The following ZFX variants were observed in gnomAD, a reference collection of about 807,000 sequenced individuals.
ZFX encodes the protein zinc finger protein X-linked, also known as zinc finger X-chromosomal protein.
For missense variants in ZFX, 362 were observed against 628.3 expected, an observed-to-expected ratio of 0.58 and a Z score of 4.53; for synonymous variants, 196 against 226.8, an observed-to-expected ratio of 0.86 and a Z score of 1.22.
rs753111788 is a variant in ZFX, at chrX:24,210,173, CCTTT to C, written c.1235-15_1235-12del. ...AGAACTTGGTTTGAGCACTCATACT[CCTTT>C]CTTTTCCTTTTTTAGCAATAATTAT... On this transcript the variant is annotated splice_polypyrimidine_tract_variant and intron_variant, in intron 9 of 9. Coordinates refer to ENST00000304543, the MANE Select transcript of ZFX (RefSeq NM_003410.4). The C allele has an allele frequency of 1.3e-5, 16 of 1,210,659 alleles. No homozygotes were observed. The highest frequency in any genetic ancestry group is 1.7e-5 in the Non-Finnish European group (15 of 894,816).
chrX:24,179,069 G>GT (rs1935437026), intron 4 of ZFX, 114 bp from the exon 5 acceptor site: 2 of 654,018 alleles, frequency 3.1e-6, no homozygotes, highest in South Asian at 5.7e-5. Flanking sequence ...CTATCTTAAT[G>GT]TTTAAGAAAA....
At position 24,169,264 on chromosome X, in the gene ZFX, A is replaced by G. The variant is rs776782944; in HGVS notation, c.-28-3451A>G. On this transcript the variant is annotated intron_variant, in intron 3 of 9. Coordinates refer to ENST00000304543, the MANE Select transcript of ZFX (RefSeq NM_003410.4). ...CATGTAGGCCAGAATATCTATTAGG[A>G]AATGCACGTGATGTAAAAGGATGGG... is the stretch of plus-strand genomic sequence containing the variant. Among the ~76,000 whole-genome samples the G allele has an allele frequency of 3.6e-5, 4 of 111,930 alleles. No individual in the cohort carries two copies. In the South Asian group the frequency reaches 1.5e-3, roughly 41 times the overall value.
intron 5 of ZFX, among the ~76,000 whole-genome samples, chrX:24,186,381 A>G (rs898310309): frequency 9.1e-6 from 1 of 110,431 alleles, no homozygotes; most frequent in African/African-American, 3.3e-5. Context: ...TGGGAGGCTG[A>G]GGTGGGAGGA....
chrX:24,166,417 C>G (rs945696616), intron 3 of ZFX, among the ~76,000 whole-genome samples: 6 of 112,419 alleles, frequency 5.3e-5, no homozygotes, highest in East Asian at 2.8e-4. Context: ...CAGATATTTT[C>G]TTTTCCTCTT....
chrX:24,163,212 A>G (rs1409264075), intron 3 of ZFX, among the ~76,000 whole-genome samples: 1 of 79,594 alleles, frequency 1.3e-5, no homozygotes, highest in East Asian at 4.4e-4. Context: ...TACTGTGCCA[A>G]GGTCTGTGGT....
intron 5 of ZFX, among the ~76,000 whole-genome samples, chrX:24,201,267 T>C (rs1014275849): frequency 1.8e-5 from 2 of 112,826 alleles, no homozygotes; most frequent in Admixed American, 9.4e-5. Flanking sequence ...ATTATATTTA[T>C]GTAATAGAAT....
rs1346214510 is a variant in ZFX at position 24,172,940 on chromosome X, A to G, written c.58+140A>G. On this transcript the variant is annotated intron_variant, in intron 4 of 9. Coordinates refer to ENST00000304543, the MANE Select transcript of ZFX (RefSeq NM_003410.4). ...AAAATTCACAGGTGTTACGGTGAGC[A>G]CATTATTATTACCCTCCTCAAAGAT... is the stretch of plus-strand genomic sequence containing the variant. 4 of 534,640 alleles carry G rather than the reference A, an allele frequency of 7.5e-6. No individual in the cohort carries two copies. In the East Asian group the frequency reaches 1.2e-4, roughly 16 times the overall value. The allele number at this position is 534,640 out of a possible 1,213,427, so 44.1% of individuals were successfully genotyped here. A position where few individuals can be genotyped will look rare whatever the true frequency, so the allele number is the denominator to read the frequency against.
rs2228659 is a variant in ZFX at position 24,210,272 on chromosome X, T to C, written c.1314T>C (p.Gly438=). 13,488 of 1,208,959 alleles carry C rather than the reference T, an allele frequency of 0.011. 1,034 individuals are homozygous for C. In the African/African-American group the frequency reaches 0.21, roughly 19 times the overall value. The part of the protein sequence containing the change: ...MICGKKFKSR[G]FLKRHMKNHP... ...GTGGGAAGAAGTTTAAGTCGAGAGG[T>C]TTTTTGAAAAGGCACATGAAAAACC... is the stretch of plus-strand genomic sequence containing the variant. The change falls in exon 10 of 10, where the codon GGT becomes GGC. Residue 438 remains glycine (G), a synonymous_variant. Transcript: ENST00000304543.
chrX:24,171,886 C>T (rs897849685), intron 3 of ZFX, among the ~76,000 whole-genome samples: 6 of 97,714 alleles, frequency 6.1e-5, no homozygotes, highest in Non-Finnish European at 8.1e-5. Context: ...ATGTTCCAGC[C>T]ACCAGGACAG....
intron 5 of ZFX, among the ~76,000 whole-genome samples, chrX:24,203,388 G>A (rs1021694129): frequency 8.9e-6 from 1 of 112,238 alleles, no homozygotes; most frequent in African/African-American, 3.2e-5. Context: ...TCACTGCTCC[G>A]TGTGAAAGTC....
chrX:24,172,953 C>A (rs953052856), intron 4 of ZFX, 153 bp downstream of exon 4: 2 of 463,745 alleles, frequency 4.3e-6, no homozygotes, highest in Non-Finnish European at 6.6e-6. Context: ...TTATTATTAC[C>A]CTCCTCAAAG....
At chrX:24,202,379 T>C (rs1937353767) in intron 5 of ZFX, among the ~76,000 whole-genome samples, 1 of 111,881 alleles carries the variant, frequency 8.9e-6, no homozygotes, top group Non-Finnish European at 1.9e-5. Context: ...TTTTACATAC[T>C]TGAAGAAATT....
chrX:24,186,037 T>C (rs751739270), intron 5 of ZFX, among the ~76,000 whole-genome samples: 2 of 111,480 alleles, frequency 1.8e-5, no homozygotes, highest in East Asian at 2.8e-4. Flanking sequence ...AGAGGAACTA[T>C]GGGCTGATTT....
chrX:24,170,608 A>ATTTTTT (rs1217226048), intron 3 of ZFX, among the ~76,000 whole-genome samples: 3 of 85,955 alleles, frequency 3.5e-5, no homozygotes, highest in African/African-American at 4.3e-5. Context: ...TTTTTCTTTA[A>ATTTTTT]TTTTTTTTTT....
intron 3 of ZFX, among the ~76,000 whole-genome samples, chrX:24,163,723 A>G (rs965764538): frequency 6.8e-5 from 7 of 103,244 alleles, no homozygotes; most frequent in African/African-American, 1.8e-4. Flanking sequence ...GAGTCTAGCT[A>G]TTTTGTCCAG....
At chrX:24,151,251 A>G (rs762924159) in intron 1 of ZFX, among the ~76,000 whole-genome samples, 2 of 112,008 alleles carry the variant, frequency 1.8e-5, no homozygotes, top group Non-Finnish European at 3.8e-5. Flanking sequence ...AAGAAGTCTC[A>G]TGTTTAGAGG....
rs1382709646 is a variant in ZFX at position 24,213,451 on chromosome X, C to CTCTT, written c.*2077_*2080dup. On this transcript the variant is annotated 3_prime_UTR_variant, in exon 10 of 10. Transcript: ENST00000304543. ...GCTTAGGTTTTTACCTTTCATCTTT[C>CTCTT]TCTTTGCCATTGATGTTTGTATTCA... The CTCTT allele has an allele frequency of 1.8e-5, 2 of 111,700 alleles. No individual in the cohort carries two copies. Among genetic ancestry groups the CTCTT allele is most frequent in the African/African-American group, 6.5e-5 (2 of 30,611 alleles). 9.2% of individuals were successfully genotyped at this position (111,700 alleles called of 1,213,427 possible).
At chrX:24,208,094 T>C (rs771968728) in intron 7 of ZFX, 124 bp from the exon 8 acceptor site, 8 of 921,507 alleles carry the variant, frequency 8.7e-6, no homozygotes, top group Middle Eastern at 4.1e-4. Context: ...GTGAAAGCTA[T>C]GTTCTAGGTA....
chrX:24,193,331 A>G (rs1486603684), intron 5 of ZFX, among the ~76,000 whole-genome samples: 1 of 112,323 alleles, frequency 8.9e-6, no homozygotes, highest in African/African-American at 3.2e-5. Flanking sequence ...GAAAGAAGCC[A>G]GGCGAAAAAG....
Sources: allele counts gnomAD v4.1 joint callset (sites outside exome capture counted in the v4.1 genomes callset), GRCh38; gene constraint gnomAD v4.1.1; transcripts MANE v1.5; gene names NCBI Gene and HGNC (gene_info 2026-07-23, HGNC 2026-07-21).